The following GIMAP5 variants were observed in gnomAD, a reference collection of about 807,000 sequenced individuals.
The protein encoded by GIMAP5 is GTPase IMAP family member 5.
A neutral mutation model predicts 9.9 loss-of-function variants in GIMAP5; 8 were observed. That is an observed-to-expected ratio of 0.81 (90% CI 0.47 to 1.45). The LOEUF (loss-of-function observed/expected upper bound fraction) is 1.45. GIMAP5 is among the 40% of genes most tolerant of loss of function. The probability of loss-of-function intolerance (pLI) is 0.00; values close to 1 mark genes in which losing one functional copy is unlikely to be tolerated. For synonymous variants in GIMAP5, 174 were observed against 151.4 expected (o/e 1.15, Z -1.09); for missense variants, 353 against 367.4 (o/e 0.96, Z 0.32).
At chr7:150,740,657 A>C in intron 1 of GIMAP5, 1 of 442,010 alleles carries the variant, frequency 2.3e-6, no homozygotes, top group Non-Finnish European at 4.0e-6. Flanking sequence ...AGGGGAGGGA[A>C]GTAATCGTGC....
At position 150,737,621 on chromosome 7, in the gene GIMAP5, G is replaced by T; in HGVS notation, c.-94G>T. On this transcript the variant is annotated 5_prime_UTR_variant, in exon 1 of 3. Transcript: ENST00000358647. ...ACAGACGCAGAGCAGGACTCTCTCT[G>T]CTGCCACTTCACCTTCCTGAGAGAG... 1.3e-6 allele frequency: 2 copies of T among 1,535,688 alleles called. No homozygotes were observed. The highest frequency in any genetic ancestry group is 1.7e-6 in the Non-Finnish European group (2 of 1,146,894).
Position 150,743,068 on chromosome 7 carries a change from C to T in GIMAP5, c.*5C>T. On this transcript the variant is annotated 3_prime_UTR_variant, in exon 3 of 3. Coordinates refer to ENST00000358647, the MANE Select transcript of GIMAP5 (RefSeq NM_018384.5). ...TTCATCTTTCATTACATTTAAATCT[C>T]TGGACCCTGGAGCACTTCTAATGTA... 6.2e-7 allele frequency: 1 copy of T among 1,601,672 alleles called. No individual in the cohort carries two copies. The highest frequency in any genetic ancestry group is 1.1e-5 in the South Asian group (1 of 89,570).
chr7:150,742,877 G>A lies in GIMAP5; in HGVS notation c.738G>A (p.Gln246=). ...GACQEDYRQY[Q]AKVEWQVEKH... ...GCCAGGAAGACTACAGGCAGTACCA[G>A]GCCAAAGTGGAATGGCAGGTGGAGA... Residue 246 remains glutamine, a synonymous_variant, in exon 3 of 3, where the codon CAG becomes CAA. Coordinates refer to ENST00000358647, the MANE Select transcript of GIMAP5 (RefSeq NM_018384.5). 6.2e-7 allele frequency: 1 copy of A among 1,614,190 alleles called. No individual in the cohort carries two copies. The highest frequency in any genetic ancestry group is 1.3e-5 in the African/African-American group (1 of 75,038).
chr7:150,740,443 T>C (rs1797577875), intron 1 of GIMAP5: 1 of 164,730 alleles, frequency 6.1e-6, no homozygotes, highest in Non-Finnish European at 1.3e-5. Context: ...ACTGGAAGTT[T>C]CCACTACTTC....
chr7:150,738,160 T>A (rs926604725), intron 1 of GIMAP5: 44 of 167,478 alleles, frequency 2.6e-4, no homozygotes, highest in Non-Finnish European at 3.9e-4. Context: ...ACACGTACCA[T>A]GTCTCAGACA....
chr7:150,741,819 A>G lies in GIMAP5; in HGVS notation c.44-364A>G, dbSNP rs543001424. Among the ~76,000 whole-genome samples the G allele has an allele frequency of 1.5e-4, 23 of 152,328 alleles. No individual in the cohort carries two copies. The South Asian group carries it at 4.6e-3, about 30-fold the overall frequency. On this transcript the variant is annotated intron_variant, in intron 2 of 2. Coordinates refer to ENST00000358647, the MANE Select transcript of GIMAP5 (RefSeq NM_018384.5). Reference sequence around the variant, plus strand: ...AAGTAATTGGATTTTCTCACTTGTAACTACTAATCCCCTGCCTCTTTCTAA... The same window carrying G: ...AAGTAATTGGATTTTCTCACTTGTAGCTACTAATCCCCTGCCTCTTTCTAA...
rs61753442 is a variant in GIMAP5, at chr7:150,742,333, C to T, written c.194C>T (p.Thr65Met). 6.7e-5 allele frequency: 108 copies of T among 1,614,164 alleles called. No individual in the cohort carries two copies. The East Asian group carries it at 1.6e-3, about 24-fold the overall frequency. Residue 65 changes from threonine to methionine, a missense_variant, in exon 3 of 3, where the codon ACG (threonine) becomes ATG (methionine). Thr to Met is a moderately conservative substitution (Grantham distance 81, BLOSUM62 -1). Coordinates refer to ENST00000358647, the MANE Select transcript of GIMAP5 (RefSeq NM_018384.5). ...CTGAGGGCCCAGTCAGTGACCAGGA[C>T]GTGCCAGGTGAAAACAGGAACATGG... ...SKLRAQSVTR[T>M]CQVKTGTWNG...
Position 150,737,601 on chromosome 7 carries a change from C to G in GIMAP5, c.-114C>G, listed in dbSNP as rs9657892. 1 of 1,535,602 alleles carries G rather than the reference C, an allele frequency of 6.5e-7. No homozygotes were observed. Among genetic ancestry groups the G allele is most frequent in the South Asian group, 1.2e-5 (1 of 84,056 alleles). On this transcript the variant is annotated 5_prime_UTR_variant, in exon 1 of 3. Coordinates refer to ENST00000358647, the MANE Select transcript of GIMAP5 (RefSeq NM_018384.5). ...TGTGAACAGCATCCCCGCACACAGA[C>G]GCAGAGCAGGACTCTCTCTGCTGCC... is the stretch of plus-strand genomic sequence containing the variant.
Position 150,743,096 on chromosome 7 carries a change from A to T in GIMAP5, c.*33A>T, listed in dbSNP as rs763219318. ...GACCCTGGAGCACTTCTAATGTATC[A>T]CCCCATGGAGTCATTGTTCTAATAA... is the stretch of plus-strand genomic sequence containing the variant. On this transcript the variant is annotated 3_prime_UTR_variant, in exon 3 of 3. Coordinates refer to ENST00000358647, the MANE Select transcript of GIMAP5 (RefSeq NM_018384.5). The T allele has an allele frequency of 1.9e-6, 3 of 1,576,572 alleles. No homozygotes were observed. Among genetic ancestry groups the T allele is most frequent in the Non-Finnish European group, 2.6e-6 (3 of 1,161,314 alleles).
chr7:150,741,172 A>G (rs1797588924), intron 2 of GIMAP5, among the ~76,000 whole-genome samples: 2 of 152,164 alleles, frequency 1.3e-5, no homozygotes, highest in Admixed American at 1.3e-4. Flanking sequence ...AAACCAAGTC[A>G]TAGGTTGAAG....
intron 1 of GIMAP5, 111 bp downstream of exon 1, chr7:150,737,819 G>T: frequency 1.1e-6 from 1 of 874,764 alleles, no homozygotes; most frequent in Non-Finnish European, 1.8e-6. Context: ...CTCACTTCTG[G>T]GTTCGCTGGT....
At chr7:150,741,846 A>G (rs1340355999) in intron 2 of GIMAP5, among the ~76,000 whole-genome samples, 1 of 152,210 alleles carries the variant, frequency 6.6e-6, no homozygotes, top group Non-Finnish European at 1.5e-5. Flanking sequence ...TCTTTCTAAT[A>G]ATTCTCCATG....
At chr7:150,739,977 A>C (rs1033666825) in intron 1 of GIMAP5, 1 of 152,256 alleles carries the variant, frequency 6.6e-6, no homozygotes, top group African/African-American at 2.4e-5. Flanking sequence ...GTAAAATGTA[A>C]GTTTAAGCCA....
intron 1 of GIMAP5, chr7:150,739,836 A>G (rs1797568921): frequency 6.6e-6 from 1 of 152,244 alleles, no homozygotes; most frequent in African/African-American, 2.4e-5. Flanking sequence ...AAAGAAGGCC[A>G]AGAAAATCCA....
In GIMAP5 at chr7:150,737,572, G is replaced by C. The variant is rs1188732044; in HGVS notation, c.-143G>C. 5 of 1,535,460 alleles carry C rather than the reference G, an allele frequency of 3.3e-6. No individual in the cohort carries two copies. The African/African-American group carries it at 6.8e-5, about 21-fold the overall frequency. Reference sequence around the variant, plus strand: ...AACTGCGTCTGCTCAACCTCCCTCAGCCCTGTGAACAGCATCCCCGCACAC... The same window carrying C: ...AACTGCGTCTGCTCAACCTCCCTCACCCCTGTGAACAGCATCCCCGCACAC... On this transcript the variant is annotated 5_prime_UTR_variant, in exon 1 of 3. Coordinates refer to ENST00000358647, the MANE Select transcript of GIMAP5 (RefSeq NM_018384.5).
In GIMAP5 at chr7:150,743,263, C is replaced by T; in HGVS notation, c.*200C>T. ...TGCCTGCCTGCTGTAAACACTATTC[C>T]ACTCTGTCTGCCAACAACTGCTTCA... On this transcript the variant is annotated 3_prime_UTR_variant, in exon 3 of 3. Transcript: ENST00000358647. The T allele has an allele frequency of 1.6e-6, 1 of 629,120 alleles. No individual in the cohort carries two copies. Among genetic ancestry groups the T allele is most frequent in the Non-Finnish European group, 2.7e-6 (1 of 376,766 alleles). The allele number at this position is 629,120 out of a possible 1,614,324, so 39.0% of individuals were successfully genotyped here.
chr7:150,738,135 T>G, intron 1 of GIMAP5: 1 of 189,648 alleles, frequency 5.3e-6, no homozygotes, highest in Non-Finnish European at 1.1e-5. Context: ...ATTTCTCCTG[T>G]CCCAGACCAG....
chr7:150,742,334 G>A lies in GIMAP5; in HGVS notation c.195G>A (p.Thr65=), dbSNP rs373215949. 37 of 1,614,042 alleles carry A rather than the reference G, an allele frequency of 2.3e-5. No individual in the cohort carries two copies. In the East Asian group the frequency reaches 3.8e-4, roughly 17 times the overall value. The change falls in exon 3 of 3, where the codon ACG becomes ACA. Residue 65 remains threonine (T), a synonymous_variant. Transcript: ENST00000358647. ...SKLRAQSVTR[T]CQVKTGTWNG... ...TGAGGGCCCAGTCAGTGACCAGGAC[G>A]TGCCAGGTGAAAACAGGAACATGGA...
Position 150,742,413 on chromosome 7 carries a change from G to C in GIMAP5, c.274G>C (p.Asp92His). 1.2e-6 allele frequency: 2 copies of C among 1,614,154 alleles called. No individual in the cohort carries two copies. The highest frequency in any genetic ancestry group is 1.7e-6 in the Non-Finnish European group (2 of 1,179,996). Residue 92 changes from aspartate to histidine, a missense_variant, in exon 3 of 3, where the codon GAT (aspartate) becomes CAT (histidine). By Grantham distance (81) the Asp-to-His change is moderately conservative. Transcript: ENST00000358647. ...GCCCTCCATCTTTGAGTCACAGGCC[G>C]ATACCCAAGAGCTGTACAAGAACAT... ...DTPSIFESQADTQELYKNIGD... is the reference protein window; with the variant it reads ...DTPSIFESQAHTQELYKNIGD...
Sources: allele counts gnomAD v4.1 joint callset (sites outside exome capture counted in the v4.1 genomes callset), GRCh38; gene constraint gnomAD v4.1.1; transcripts MANE v1.5; gene names NCBI Gene and HGNC (gene_info 2026-07-23, HGNC 2026-07-21).